The following TRPC7 variants were observed in gnomAD, a reference collection of about 807,000 sequenced individuals.
The protein encoded by TRPC7 is short transient receptor potential channel 7.
In TRPC7, 42 loss-of-function variants were observed where a neutral mutation model predicts 90.1. The ratio of observed to expected loss-of-function variants is 0.47; its 90% CI spans 0.36 to 0.60. The LOEUF is 0.60. Among genes scored for constraint, TRPC7 ranks in the 20% least tolerant of loss-of-function variants. The probability of loss-of-function intolerance (pLI) is 0.00; values close to 1 mark genes in which losing one functional copy is unlikely to be tolerated. For missense variants in TRPC7, 955 were observed against 1,112.3 expected (o/e 0.86, Z 2.01); for synonymous variants, 451 against 436.3 (o/e 1.03, Z -0.42).
intron 5 of TRPC7, among the ~76,000 whole-genome samples, chr5:136,262,471 G>T (rs1756891193): frequency 6.6e-6 from 1 of 152,152 alleles, no homozygotes; most frequent in Non-Finnish European, 1.5e-5. Context: ...ACTCTGATAA[G>T]GTGAAATTTG....
rs866233191 is a variant in TRPC7 at position 136,293,787 on chromosome 5, C to G, written c.964-18950G>C. Among the ~76,000 whole-genome samples the G allele has an allele frequency of 3.4e-3, 518 of 152,286 alleles. 1 individual carries two copies. The highest frequency in any genetic ancestry group is 0.011 in the African/African-American group (477 of 41,548). On this transcript the variant is annotated intron_variant, in intron 3 of 11. Transcript: ENST00000513104. ...ACTTTCTTCACAGAATTGGAAAAAA[C>G]TACTTTAAAGTTCATATGGAACCAA...
chr5:136,297,089 C>G (rs943214283), intron 3 of TRPC7, among the ~76,000 whole-genome samples: 76 of 152,170 alleles, frequency 5.0e-4, no homozygotes, highest in Non-Finnish European at 1.1e-3. Flanking sequence ...TTTGTTCCCC[C>G]TTTGCTTTTG....
chr5:136,350,596 C>G (rs992963973), intron 2 of TRPC7, among the ~76,000 whole-genome samples: 1 of 152,138 alleles, frequency 6.6e-6, no homozygotes, highest in African/African-American at 2.4e-5. Flanking sequence ...GACACTTAGG[C>G]AGAAAAATAG....
At chr5:136,215,605 A>G (rs1755240101) in intron 11 of TRPC7, among the ~76,000 whole-genome samples, 1 of 152,058 alleles carries the variant, frequency 6.6e-6, no homozygotes, top group Non-Finnish European at 1.5e-5. Flanking sequence ...GGCGGATCAC[A>G]AGGTCAGGAG....
At chr5:136,325,323 G>C (rs1759313218) in intron 2 of TRPC7, among the ~76,000 whole-genome samples, 1 of 152,186 alleles carries the variant, frequency 6.6e-6, no homozygotes, top group African/African-American at 2.4e-5. Flanking sequence ...GATATCGACA[G>C]CTCTTTTGAG....
At chr5:136,279,991 G>GA (rs397957114) in intron 3 of TRPC7, among the ~76,000 whole-genome samples, 2,940 of 146,576 alleles carry the variant, frequency 0.02, 100 homozygotes, top group African/African-American at 0.068. Context: ...CATCTCTACT[G>GA]AAAAAAAAAA....
At chr5:136,240,861 G>T (rs1260443694) in intron 7 of TRPC7, among the ~76,000 whole-genome samples, 2 of 152,094 alleles carry the variant, frequency 1.3e-5, no homozygotes, top group Non-Finnish European at 2.9e-5. Context: ...TCATGAGTTG[G>T]TCAACAATTT....
intron 2 of TRPC7, among the ~76,000 whole-genome samples, chr5:136,332,537 C>A (rs1014192385): frequency 5.9e-5 from 9 of 151,992 alleles, no homozygotes; most frequent in Admixed American, 3.3e-4. Context: ...TTGCAATTAC[C>A]CTGAGGAGAG....
At chr5:136,350,973 A>G (rs1281199988) in intron 2 of TRPC7, among the ~76,000 whole-genome samples, 2 of 152,246 alleles carry the variant, frequency 1.3e-5, no homozygotes, top group African/African-American at 4.8e-5. Context: ...GAGGGTGCTC[A>G]AGTCCCTGAT....
chr5:136,238,969 T>C (rs553675431), intron 7 of TRPC7, among the ~76,000 whole-genome samples: 1 of 152,310 alleles, frequency 6.6e-6, no homozygotes, highest in African/African-American at 2.4e-5. Flanking sequence ...CCAAATGATC[T>C]TTTTTGACAC....
chr5:136,283,511 A>C (rs1478460605), intron 3 of TRPC7, among the ~76,000 whole-genome samples: 1 of 152,192 alleles, frequency 6.6e-6, no homozygotes, highest in African/African-American at 2.4e-5. Context: ...TGATAATTCT[A>C]AGACGAGAAT....
At chr5:136,275,343 A>G (rs1757330665) in intron 3 of TRPC7, among the ~76,000 whole-genome samples, 1 of 151,906 alleles carries the variant, frequency 6.6e-6, no homozygotes, top group South Asian at 2.1e-4. Flanking sequence ...TCTGCAAAAC[A>G]GAGCTTATCA....
intron 4 of TRPC7, among the ~76,000 whole-genome samples, chr5:136,267,363 C>T (rs1467126165): frequency 6.6e-6 from 1 of 152,188 alleles, no homozygotes; most frequent in East Asian, 1.9e-4. Flanking sequence ...AGCCCTACCC[C>T]TCATCCAGGT....
chr5:136,278,723 A>G (rs1410933291), intron 3 of TRPC7, among the ~76,000 whole-genome samples: 1 of 152,202 alleles, frequency 6.6e-6, no homozygotes, highest in Non-Finnish European at 1.5e-5. Flanking sequence ...ATTTTGGGCT[A>G]CAACTTGGGG....
At chr5:136,255,445 T>C (rs1756659098) in intron 5 of TRPC7, among the ~76,000 whole-genome samples, 1 of 152,246 alleles carries the variant, frequency 6.6e-6, no homozygotes, top group Non-Finnish European at 1.5e-5. Context: ...CTCAGATGAT[T>C]GTTAGCATTT....
intron 10 of TRPC7, among the ~76,000 whole-genome samples, chr5:136,217,515 C>G (rs1324843059): frequency 1.3e-5 from 2 of 152,176 alleles, no homozygotes; most frequent in African/African-American, 2.4e-5. Context: ...AGCACTGCCC[C>G]TCCTCAGCCC....
intron 10 of TRPC7, among the ~76,000 whole-genome samples, chr5:136,216,744 C>A (rs888371555): frequency 2.0e-5 from 3 of 152,202 alleles, no homozygotes; most frequent in Non-Finnish European, 4.4e-5. Context: ...GTGTGCCCTT[C>A]ATGAAGAGAT....
intron 5 of TRPC7, among the ~76,000 whole-genome samples, chr5:136,265,376 G>T (rs1004671586): frequency 1.1e-4 from 16 of 151,850 alleles, no homozygotes; most frequent in African/African-American, 3.4e-4. Flanking sequence ...ACATATTTTT[G>T]ATGTAAATCT....
chr5:136,309,390 T>C (rs773498481), intron 3 of TRPC7, among the ~76,000 whole-genome samples: 23 of 152,320 alleles, frequency 1.5e-4, no homozygotes, highest in Middle Eastern at 3.4e-3. Flanking sequence ...ACATAATTTT[T>C]CCCATTTTTT....
Sources: allele counts gnomAD v4.1 joint callset (sites outside exome capture counted in the v4.1 genomes callset), GRCh38; gene constraint gnomAD v4.1.1; transcripts MANE v1.5; gene names NCBI Gene and HGNC (gene_info 2026-07-23, HGNC 2026-07-21).